TNIK: variants seen among roughly 807,000 people sequenced by gnomAD.
TNIK encodes the protein TRAF2 and NCK-interacting protein kinase.
Under a neutral mutation model 191.3 loss-of-function variants are expected in TNIK, and 49 were observed. The ratio of observed to expected loss-of-function variants is 0.26; its 90% confidence interval spans 0.20 to 0.32. The LOEUF is 0.32. Among genes scored for constraint, TNIK ranks in the 10% least tolerant of loss-of-function variants. The pLI is 1.00. For missense variants in TNIK, 1,155 were observed against 1,702.3 expected, an observed-to-expected ratio of 0.68 and a Z score of 5.66; for synonymous variants, 594 against 600.9, an observed-to-expected ratio of 0.99 and a Z score of 0.17.
intron 18 of TNIK, among the ~76,000 whole-genome samples, chr3:171,116,218 C>T (rs1396140155): frequency 6.6e-6 from 1 of 152,132 alleles, no homozygotes; most frequent in East Asian, 1.9e-4. Flanking sequence ...ATTAAATGAT[C>T]TGGCCTTGGG....
At chr3:171,149,725 A>T (rs1049996813) in intron 12 of TNIK, among the ~76,000 whole-genome samples, 1 of 152,230 alleles carries the variant, frequency 6.6e-6, no homozygotes, top group African/African-American at 2.4e-5. Context: ...GACAATGAGC[A>T]TCTGGTTTGC....
intron 15 of TNIK, among the ~76,000 whole-genome samples, chr3:171,137,048 A>G (rs139467918): frequency 6.6e-6 from 1 of 152,148 alleles, no homozygotes; most frequent in African/African-American, 2.4e-5. Context: ...ACAAAAAAAT[A>G]CATGATCACT....
chr3:171,277,752 C>T (rs1749933951), intron 2 of TNIK, among the ~76,000 whole-genome samples: 1 of 152,178 alleles, frequency 6.6e-6, no homozygotes. Flanking sequence ...CAACAGAGAC[C>T]TACAGACTGC....
chr3:171,160,539 C>T (rs569677848), intron 11 of TNIK, among the ~76,000 whole-genome samples: 1 of 151,852 alleles, frequency 6.6e-6, no homozygotes, highest in South Asian at 2.1e-4. Flanking sequence ...TGCATGGCAC[C>T]ATGGGATGTG....
intron 7 of TNIK, among the ~76,000 whole-genome samples, chr3:171,187,924 A>C (rs1234020660): frequency 6.6e-6 from 1 of 152,146 alleles, no homozygotes; most frequent in Non-Finnish European, 1.5e-5. Flanking sequence ...GGAAACCCAC[A>C]CACAGTTCCT....
At chr3:171,131,610 T>G (rs943111965) in intron 15 of TNIK, among the ~76,000 whole-genome samples, 1 of 152,196 alleles carries the variant, frequency 6.6e-6, no homozygotes, top group Non-Finnish European at 1.5e-5. Context: ...GTACTGAAAT[T>G]TCCTGGGTTG....
At chr3:171,331,317 C>A (rs1215825251) in intron 2 of TNIK, among the ~76,000 whole-genome samples, 2 of 152,186 alleles carry the variant, frequency 1.3e-5, no homozygotes, top group African/African-American at 4.8e-5. Flanking sequence ...GCAAAGAGAG[C>A]CCTGTAAATA....
chr3:171,404,023 G>A (rs1721331896), intron 1 of TNIK, among the ~76,000 whole-genome samples: 1 of 152,200 alleles, frequency 6.6e-6, no homozygotes. Context: ...GTGAAGATAA[G>A]AGAAGTGGGA....
At chr3:171,147,630 C>T (rs1731812362) in intron 12 of TNIK, among the ~76,000 whole-genome samples, 1 of 152,108 alleles carries the variant, frequency 6.6e-6, no homozygotes, top group Admixed American at 6.5e-5. Flanking sequence ...ATAATAATAA[C>T]TATATGCATA....
In TNIK at chr3:171,343,649, G is replaced by A. The variant is rs895208250; in HGVS notation, c.123+25971C>T. Among the ~76,000 whole-genome samples, 44 of 152,310 alleles carry A rather than the reference G, an allele frequency of 2.9e-4. 1 individual carries two copies. Among genetic ancestry groups the A allele is most frequent in the South Asian group, 6.2e-4 (3 of 4,828 alleles). ...CTAGGTGAATGGGCATTGAGACTAA[G>A]CCTGCTGCATGGTTTCCAGGCAGAG... On this transcript the variant is annotated intron_variant, in intron 2 of 32. Transcript: ENST00000436636.
chr3:171,079,789 A>T, intron 27 of TNIK, 137 bp from the exon 28 acceptor site: 1 of 1,073,344 alleles, frequency 9.3e-7, no homozygotes, highest in Non-Finnish European at 1.3e-6. Context: ...CAGTGTCCCC[A>T]GCACTTTGTC....
At chr3:171,280,944 G>T (rs1750354115) in intron 2 of TNIK, among the ~76,000 whole-genome samples, 1 of 152,112 alleles carries the variant, frequency 6.6e-6, no homozygotes, top group South Asian at 2.1e-4. Context: ...ACAAAATCTA[G>T]AACACTCAGT....
intron 2 of TNIK, among the ~76,000 whole-genome samples, chr3:171,297,593 C>A (rs1259346699): frequency 6.6e-6 from 1 of 152,168 alleles, no homozygotes; most frequent in Non-Finnish European, 1.5e-5. Flanking sequence ...ATATTGATGT[C>A]TCTTTTATCA....
intron 4 of TNIK, among the ~76,000 whole-genome samples, chr3:171,203,583 T>C (rs140404751): frequency 1.3e-5 from 2 of 152,342 alleles, no homozygotes; most frequent in Non-Finnish European, 2.9e-5. Context: ...ACTGCTCAAA[T>C]TTTCTAATGT....
Position 171,351,265 on chromosome 3 carries a change from GTA to G in TNIK, c.123+18353_123+18354del, listed in dbSNP as rs1278247910. Among the ~76,000 whole-genome samples the G allele has an allele frequency of 1.8e-4, 17 of 93,290 alleles. No individual in the cohort carries two copies. The South Asian group carries it at 6.2e-3, about 34-fold the overall frequency. 61.2% of individuals were successfully genotyped at this position (93,290 alleles called of 152,430 possible). A position where few individuals can be genotyped will look rare whatever the true frequency, so the allele number is the denominator to read the frequency against. ...CCATAGAGAAAATATATATATATAT[GTA>G]TATATGTGTGTGTGTGTGTGTATGA... On this transcript the variant is annotated intron_variant, in intron 2 of 32. Transcript: ENST00000436636.
intron 6 of TNIK, among the ~76,000 whole-genome samples, chr3:171,189,424 G>A (rs770167846): frequency 1.3e-5 from 2 of 152,148 alleles, no homozygotes; most frequent in Non-Finnish European, 2.9e-5. Context: ...AAGGCACAAA[G>A]AATTACATTT....
intron 6 of TNIK, 53 bp from the exon 7 acceptor site, chr3:171,188,885 C>A: frequency 1.9e-6 from 3 of 1,576,238 alleles, no homozygotes; most frequent in Non-Finnish European, 1.7e-6. Flanking sequence ...TTTTAGATAG[C>A]GATAAAATGA....
At chr3:171,155,748 G>A (rs749478953) in intron 12 of TNIK, among the ~76,000 whole-genome samples, 7 of 152,184 alleles carry the variant, frequency 4.6e-5, no homozygotes, top group Non-Finnish European at 7.4e-5. Context: ...GTGCCCTTGC[G>A]CAGAACTCCT....
chr3:171,239,435 A>G (rs1191926285), intron 2 of TNIK, among the ~76,000 whole-genome samples: 2 of 152,250 alleles, frequency 1.3e-5, no homozygotes, highest in Non-Finnish European at 2.9e-5. Context: ...GCATTATTCT[A>G]TATCACTGAC....
Sources: allele counts gnomAD v4.1 joint callset (sites outside exome capture counted in the v4.1 genomes callset), GRCh38; gene constraint gnomAD v4.1.1; transcripts MANE v1.5; gene names NCBI Gene and HGNC (gene_info 2026-07-23, HGNC 2026-07-21).